Variants in GPR161 observed in about 807,000 individuals in gnomAD.
GPR161 encodes the protein G protein-coupled receptor 161.
Under a neutral mutation model 39.2 loss-of-function variants are expected in GPR161, and 25 were observed. The observed-to-expected ratio is 0.64, with a 90% CI of 0.47 to 0.89. The LOEUF (loss-of-function observed/expected upper bound fraction) is 0.89, where lower values mean the gene tolerates loss of function less well. GPR161 is among the 40% of genes least tolerant of loss of function. GPR161 has a pLI of 0.00. For synonymous variants in GPR161, 286 were observed against 276.6 expected, an observed-to-expected ratio of 1.03 and a Z score of -0.34; for missense variants, 547 against 677.8, an observed-to-expected ratio of 0.81 and a Z score of 2.14.
intron 1 of GPR161, among the ~76,000 whole-genome samples, chr1:168,114,034 T>A (rs1035220548): frequency 1.3e-5 from 2 of 152,230 alleles, no homozygotes; most frequent in African/African-American, 4.8e-5. Context: ...AGGTATCTGT[T>A]GTGTTTTATA....
intron 1 of GPR161, among the ~76,000 whole-genome samples, chr1:168,115,478 TCTC>T (rs1265007051): frequency 6.6e-6 from 1 of 151,952 alleles, no homozygotes; most frequent in Admixed American, 6.6e-5. Flanking sequence ...GGAAGTAGAC[TCTC>T]CTCATATGGA....
chr1:168,108,418 G>A, intron 1 of GPR161, among the ~76,000 whole-genome samples: 1 of 123,914 alleles, frequency 8.1e-6, no homozygotes, highest in Admixed American at 1.1e-4. Context: ...CATCTACCCT[G>A]AAGATACAAA....
chr1:168,129,467 A>G (rs1436872304), intron 1 of GPR161, among the ~76,000 whole-genome samples: 1 of 152,190 alleles, frequency 6.6e-6, no homozygotes, highest in Non-Finnish European at 1.5e-5. Flanking sequence ...TACACTTTCA[A>G]GAGGTCACTG....
chr1:168,114,899 C>A (rs1286567702), intron 1 of GPR161, among the ~76,000 whole-genome samples: 1 of 152,126 alleles, frequency 6.6e-6, no homozygotes, highest in Non-Finnish European at 1.5e-5. Context: ...TCATCACTTG[C>A]AGCTTTAGGG....
chr1:168,125,125 C>A (rs1169854011), intron 1 of GPR161, among the ~76,000 whole-genome samples: 2 of 152,156 alleles, frequency 1.3e-5, no homozygotes, highest in East Asian at 3.8e-4. Flanking sequence ...TTCAGCTGCC[C>A]CCTTTTCCCT....
At chr1:168,124,022 G>A (rs1008975141) in intron 1 of GPR161, among the ~76,000 whole-genome samples, 2 of 152,224 alleles carry the variant, frequency 1.3e-5, no homozygotes, top group Non-Finnish European at 1.5e-5. Flanking sequence ...GAGAGGAGCT[G>A]AGGAAGGCAA....
chr1:168,085,464 A>C lies in GPR161; in HGVS notation c.*67T>G, dbSNP rs1217274965. On this transcript the variant is annotated 3_prime_UTR_variant, in exon 6 of 6. Coordinates refer to ENST00000682931, the MANE Select transcript of GPR161 (RefSeq NM_001375883.1). ...TGACATGCTCCCAAGGCCGCGGCACAGGCGGTGATGGGAACTCCTCCCCGG... is the reference window on the plus strand; with the variant it reads ...TGACATGCTCCCAAGGCCGCGGCACCGGCGGTGATGGGAACTCCTCCCCGG... The C allele has an allele frequency of 1.4e-6, 2 of 1,473,802 alleles. No homozygotes were observed. The highest frequency in any genetic ancestry group is 2.8e-5 in the African/African-American group (2 of 71,816). The allele number at this position is 1,473,802 out of a possible 1,614,324, so 91.3% of individuals were successfully genotyped here.
upstream of GPR161, chr1:168,136,958 GC>G (rs1271768251): frequency 6.7e-5 from 27 of 404,530 alleles, no homozygotes; most frequent in African/African-American, 2.3e-4. Flanking sequence ...GCCCCGCCCC[GC>G]CCCCCCCACG....
At chr1:168,099,844 G>C (rs1182198359) in intron 2 of GPR161, among the ~76,000 whole-genome samples, 1 of 145,968 alleles carries the variant, frequency 6.9e-6, no homozygotes, top group Non-Finnish European at 1.5e-5. Context: ...TTTGGGGGGG[G>C]GGGGTTGGTG....
chr1:168,137,084 C>G (rs969427294), upstream of GPR161: 5 of 1,028,400 alleles, frequency 4.9e-6, no homozygotes, highest in African/African-American at 3.5e-5. Flanking sequence ...CCTTCGCGTC[C>G]GTCCGCCCGC....
chr1:168,117,435 G>A (rs974228478), intron 1 of GPR161, among the ~76,000 whole-genome samples: 7 of 152,146 alleles, frequency 4.6e-5, no homozygotes, highest in African/African-American at 1.4e-4. Flanking sequence ...TCTGGAACTA[G>A]AAAGCCTGGG....
At chr1:168,116,375 G>A (rs1414001155) in intron 1 of GPR161, among the ~76,000 whole-genome samples, 4 of 152,170 alleles carry the variant, frequency 2.6e-5, no homozygotes, top group Middle Eastern at 3.2e-3. Flanking sequence ...AAGTCCAGGT[G>A]AAATCACCCT....
intron 2 of GPR161, among the ~76,000 whole-genome samples, chr1:168,103,665 T>C (rs1347508148): frequency 6.6e-6 from 1 of 152,184 alleles, no homozygotes; most frequent in Non-Finnish European, 1.5e-5. Flanking sequence ...CTCTGTGTTT[T>C]CCCTAACCCC....
intron 3 of GPR161, 122 bp from the exon 4 acceptor site, chr1:168,090,790 T>C (rs2102113831): frequency 5.4e-6 from 3 of 551,206 alleles, no homozygotes; most frequent in South Asian, 4.9e-5. Flanking sequence ...CACTCTCAAC[T>C]CCCTGAAAGA....
intron 1 of GPR161, among the ~76,000 whole-genome samples, chr1:168,121,148 G>A (rs1698129838): frequency 1.3e-5 from 2 of 152,096 alleles, no homozygotes; most frequent in African/African-American, 4.8e-5. Context: ...ACCTCCTACT[G>A]TAGCAGATGA....
chr1:168,126,020 C>A (rs958050398), intron 1 of GPR161, among the ~76,000 whole-genome samples: 4 of 152,186 alleles, frequency 2.6e-5, no homozygotes, highest in Non-Finnish European at 2.9e-5. Flanking sequence ...ACCAAATATA[C>A]CCCCAGCTGT....
rs976951770 is a variant in GPR161, at chr1:168,083,927, G to C, written c.*1604C>G. 4 of 152,288 alleles carry C rather than the reference G, an allele frequency of 2.6e-5. No homozygotes were observed. The highest frequency in any genetic ancestry group is 9.7e-5 in the African/African-American group (4 of 41,448). The allele number at this position is 152,288 out of a possible 1,614,324, so 9.4% of individuals were successfully genotyped here. On this transcript the variant is annotated 3_prime_UTR_variant, in exon 6 of 6. Coordinates refer to ENST00000682931, the MANE Select transcript of GPR161 (RefSeq NM_001375883.1). ...CACTTTCTAGAACAGCTGCCTCTCA[G>C]CAACCAGCAAGATCTCCTTGGAATC...
At chr1:168,134,538 C>A (rs1699221356) in intron 1 of GPR161, among the ~76,000 whole-genome samples, 1 of 152,156 alleles carries the variant, frequency 6.6e-6, no homozygotes. Flanking sequence ...CACCATTTCT[C>A]CCCTGCTGTC....
In GPR161 at chr1:168,085,267, GT is replaced by G. The variant is rs112973198; in HGVS notation, c.*263del. On this transcript the variant is annotated 3_prime_UTR_variant, in exon 6 of 6. Coordinates refer to ENST00000682931, the MANE Select transcript of GPR161 (RefSeq NM_001375883.1). Reference sequence around the variant, plus strand: ...AGCCACATCTCTAGATTTTTTTTTGGTTTTTTTTTTGCTTTAGATGCTTCTG... The same window carrying G: ...AGCCACATCTCTAGATTTTTTTTTGGTTTTTTTTTGCTTTAGATGCTTCTG... The G allele has an allele frequency of 3.6e-3, 1,694 of 468,436 alleles. No homozygotes were observed. Among genetic ancestry groups the G allele is most frequent in the Middle Eastern group, 5.8e-3 (19 of 3,276 alleles). 29.0% of individuals were successfully genotyped at this position (468,436 alleles called of 1,614,324 possible).
Sources: gnomAD v4.1 joint callset for allele counts (sites outside exome capture counted in the v4.1 genomes callset) on GRCh38, gnomAD v4.1.1 for gene constraint, MANE v1.5 for transcripts, NCBI Gene and HGNC (gene_info 2026-07-23, HGNC 2026-07-21) for gene names.